Variants in NRXN1 observed in about 807,000 individuals in gnomAD.
The protein encoded by NRXN1 is neurexin-1.
Under a neutral mutation model 150.9 loss-of-function variants are expected in NRXN1, and 39 were observed. The ratio of observed to expected loss-of-function variants is 0.26; its 90% CI spans 0.20 to 0.34. The LOEUF is 0.34. Ranked by LOEUF, NRXN1 falls within the 10% of genes least tolerant of loss-of-function variation. The pLI, the probability that NRXN1 is intolerant of heterozygous loss-of-function variation, is 1.00. For synonymous variants in NRXN1, 924 were observed against 757.0 expected (o/e 1.22, Z -3.62); for missense variants, 1,815 against 1,949.9 (o/e 0.93, Z 1.30).
chr2:50,431,903 A>G (rs1408507804), intron 17 of NRXN1, among the ~76,000 whole-genome samples: 1 of 152,156 alleles, frequency 6.6e-6, no homozygotes, highest in Non-Finnish European at 1.5e-5. Context: ...ATAGTAAGGC[A>G]AGAACTAACA....
chr2:50,962,831 C>T (rs1693426696), intron 2 of NRXN1, among the ~76,000 whole-genome samples: 1 of 151,474 alleles, frequency 6.6e-6, no homozygotes, highest in Non-Finnish European at 1.5e-5. Flanking sequence ...CAGGTGAATG[C>T]TTCCTAAGAT....
intron 18 of NRXN1, among the ~76,000 whole-genome samples, chr2:50,110,448 C>T (rs1245255681): frequency 7.0e-6 from 1 of 143,412 alleles, no homozygotes; most frequent in East Asian, 2.1e-4. Flanking sequence ...GCTGAGATCG[C>T]GCCACCGCAC....
At chr2:50,585,753 T>G (rs7584604) in intron 8 of NRXN1, among the ~76,000 whole-genome samples, 84,588 of 151,958 alleles carry the variant, frequency 0.56, 24,233 homozygotes, top group East Asian at 0.89. Flanking sequence ...TTAATTGGTT[T>G]TTGATGGGGC....
rs147232215 is a variant in NRXN1, at chr2:50,691,595, C to G, written c.833-67980G>C. On this transcript the variant is annotated intron_variant, in intron 5 of 22. Transcript: ENST00000401669. Reference sequence around the variant, plus strand: ...TTTGTAATGCTTTTCTATTGTTTTACGATCAGAGTTGCTGCTTTTGCAGTG... The same window carrying G: ...TTTGTAATGCTTTTCTATTGTTTTAGGATCAGAGTTGCTGCTTTTGCAGTG... 9.9e-5 allele frequency among the ~76,000 whole-genome samples: 15 copies of G among 152,216 alleles called. No individual in the cohort carries two copies. The East Asian group carries it at 2.7e-3, about 27-fold the overall frequency.
At chr2:50,185,376 A>G (rs1262291971) in intron 18 of NRXN1, among the ~76,000 whole-genome samples, 6 of 152,002 alleles carry the variant, frequency 3.9e-5, no homozygotes, top group Non-Finnish European at 5.9e-5. Flanking sequence ...CTATTACCAT[A>G]TTTGTATTGT....
chr2:50,013,868 G>T lies in NRXN1; in HGVS notation c.4128+39403C>A, dbSNP rs575947220. Among the ~76,000 whole-genome samples, 45 of 152,228 alleles carry T rather than the reference G, an allele frequency of 3.0e-4. 1 individual carries two copies. The highest frequency in any genetic ancestry group is 1.0e-3 in the African/African-American group (43 of 41,550). On this transcript the variant is annotated intron_variant, in intron 21 of 22. Transcript: ENST00000401669. The stretch of plus-strand genomic sequence containing the variant: ...ATGAAAGAGAAATTACATCATTTGG[G>T]TACTAGTTTCAGTGAATGCCTGACA...
chr2:49,999,226 G>C (rs1027210635), intron 21 of NRXN1, among the ~76,000 whole-genome samples: 19 of 152,086 alleles, frequency 1.2e-4, no homozygotes, highest in African/African-American at 4.3e-4. Flanking sequence ...TTTTGAGGGA[G>C]TGATTGGCTA....
intron 5 of NRXN1, among the ~76,000 whole-genome samples, chr2:50,776,575 T>C (rs1262767158): frequency 1.3e-5 from 2 of 151,314 alleles, no homozygotes; most frequent in Non-Finnish European, 2.9e-5. Context: ...TGTGTATATA[T>C]ATAATATTAT....
chr2:50,895,573 T>C (rs943633927), intron 5 of NRXN1, among the ~76,000 whole-genome samples: 2 of 150,876 alleles, frequency 1.3e-5, no homozygotes, highest in Non-Finnish European at 3.0e-5. Context: ...TGGTTGTTTT[T>C]TTTGTTTGTT....
intron 5 of NRXN1, among the ~76,000 whole-genome samples, chr2:50,745,920 A>G (rs1215891334): frequency 6.6e-6 from 1 of 152,054 alleles, no homozygotes; most frequent in Non-Finnish European, 1.5e-5. Flanking sequence ...TAGCTAAACC[A>G]TATCAGGTGG....
rs200325059 is a variant in NRXN1, at chr2:50,506,546, G to T, written c.2446C>A (p.Arg816=). ...GTTAACTTTAAACTTTTTCCACGCCGAACTACACGCACTGTGTGCCACTCG... is the reference window on the plus strand; with the variant it reads ...GTTAACTTTAAACTTTTTCCACGCCTAACTACACGCACTGTGTGCCACTCG... ...DNEWHTVRVV[R]RGKSLKLTVD... is the part of the protein sequence containing the mutation. Residue 816 remains arginine (R), a synonymous_variant, in exon 13 of 23, where the codon CGG becomes AGG. Transcript: ENST00000401669. The T allele has an allele frequency of 1.9e-6, 3 of 1,613,118 alleles. No homozygotes were observed. Among genetic ancestry groups the T allele is most frequent in the Non-Finnish European group, 1.7e-6 (2 of 1,179,464 alleles).
chr2:50,268,748 C>A (rs2069194142), intron 17 of NRXN1, among the ~76,000 whole-genome samples: 1 of 152,108 alleles, frequency 6.6e-6, no homozygotes, highest in Non-Finnish European at 1.5e-5. Context: ...GTCTTACCTC[C>A]CAATTAATCT....
chr2:50,128,591 C>T (rs1463779796), intron 18 of NRXN1, among the ~76,000 whole-genome samples: 1 of 152,184 alleles, frequency 6.6e-6, no homozygotes, highest in Non-Finnish European at 1.5e-5. Context: ...ATTAATCTCA[C>T]TGGAATTGCT....
intron 5 of NRXN1, among the ~76,000 whole-genome samples, chr2:50,630,567 G>T (rs533389887): frequency 6.6e-6 from 1 of 151,680 alleles, no homozygotes; most frequent in Non-Finnish European, 1.5e-5. Flanking sequence ...CGGGCAGAAC[G>T]AAGTCCCACT....
intron 18 of NRXN1, among the ~76,000 whole-genome samples, chr2:50,214,044 A>T (rs2063216164): frequency 6.6e-6 from 1 of 151,986 alleles, no homozygotes; most frequent in African/African-American, 2.4e-5. Flanking sequence ...TTTGTGCTTT[A>T]CTTAAATGTG....
At position 50,512,915 on chromosome 2, in the gene NRXN1, A is replaced by G. The variant is rs528413351; in HGVS notation, c.2375-6298T>C. On this transcript the variant is annotated intron_variant, in intron 12 of 22. Transcript: ENST00000401669. ...TGTGTTTTTTCACATACCTCTTTAC[A>G]TTTGGTTCAAATGTAGATTCTCATA... 2.0e-5 allele frequency among the ~76,000 whole-genome samples: 3 copies of G among 152,248 alleles called. No homozygotes were observed. In the East Asian group the frequency reaches 5.8e-4, roughly 29 times the overall value.
intron 18 of NRXN1, among the ~76,000 whole-genome samples, chr2:50,172,189 C>T (rs2060071991): frequency 6.6e-6 from 1 of 152,100 alleles, no homozygotes; most frequent in East Asian, 1.9e-4. Flanking sequence ...TTATTAATAA[C>T]ATTTTTGGTG....
At chr2:50,392,021 T>C (rs1427609905) in intron 17 of NRXN1, among the ~76,000 whole-genome samples, 2 of 152,134 alleles carry the variant, frequency 1.3e-5, no homozygotes, top group Non-Finnish European at 2.9e-5. Context: ...TTATGAAACT[T>C]ACTTATTAAT....
At chr2:50,182,352 A>G (rs925823370) in intron 18 of NRXN1, among the ~76,000 whole-genome samples, 2 of 152,130 alleles carry the variant, frequency 1.3e-5, no homozygotes, top group African/African-American at 4.8e-5. Context: ...GGAAAAGAAT[A>G]AAGTTTAAAA....
Sources: allele counts gnomAD v4.1 joint callset (sites outside exome capture counted in the v4.1 genomes callset), GRCh38; gene constraint gnomAD v4.1.1; transcripts MANE v1.5; gene names NCBI Gene and HGNC (gene_info 2026-07-23, HGNC 2026-07-21).